The following SPAG16 variants were observed in gnomAD, a reference collection of about 807,000 sequenced individuals.
SPAG16 encodes the protein sperm-associated antigen 16 protein.
In SPAG16, 86 loss-of-function variants were observed where a neutral mutation model predicts 80.4. The ratio of observed to expected loss-of-function variants is 1.07; its 90% CI spans 0.90 to 1.28. The LOEUF (loss-of-function observed/expected upper bound fraction) is 1.28. Among genes scored for constraint, SPAG16 ranks in the 50% most tolerant of loss-of-function variants. The pLI is 0.00. For missense variants in SPAG16, 870 were observed against 765.3 expected (o/e 1.14, Z -1.61); for synonymous variants, 294 against 265.9 (o/e 1.11, Z -1.03).
intron 15 of SPAG16, among the ~76,000 whole-genome samples, chr2:214,253,111 G>A (rs1282875510): frequency 7.2e-6 from 1 of 139,842 alleles, no homozygotes; most frequent in East Asian, 2.1e-4. Flanking sequence ...TTTTGAGAAG[G>A]ATCTGTTCAT....
chr2:214,281,263 G>A (rs1692912301), intron 15 of SPAG16: 1 of 254,122 alleles, frequency 3.9e-6, no homozygotes, highest in Admixed American at 4.0e-5. Context: ...TTCTATACAG[G>A]CATAAGCAAT....
At chr2:213,421,011 G>C (rs2125436403) in intron 9 of SPAG16, among the ~76,000 whole-genome samples, 1 of 152,306 alleles carries the variant, frequency 6.6e-6, no homozygotes, top group Non-Finnish European at 1.5e-5. Flanking sequence ...TCACAGCTGG[G>C]GCTGCATCCT....
At chr2:214,339,766 G>A (rs1157564783) in intron 15 of SPAG16, among the ~76,000 whole-genome samples, 7 of 151,948 alleles carry the variant, frequency 4.6e-5, no homozygotes, top group Admixed American at 3.9e-4. Context: ...CTTTCAATTT[G>A]GGCAGAACTT....
chr2:214,191,574 T>C (rs1428471448), intron 15 of SPAG16, among the ~76,000 whole-genome samples: 1 of 151,084 alleles, frequency 6.6e-6, no homozygotes, highest in Non-Finnish European at 1.5e-5. Context: ...ATTAGCCAGG[T>C]GTGGTAGTGC....
intron 10 of SPAG16, among the ~76,000 whole-genome samples, chr2:213,813,578 G>C (rs2072316631): frequency 6.6e-6 from 1 of 152,140 alleles, no homozygotes; most frequent in Non-Finnish European, 1.5e-5. Flanking sequence ...CCAGGGGAAA[G>C]GTCTGCTGCT....
At chr2:214,053,563 T>A (rs746204369) in intron 13 of SPAG16, among the ~76,000 whole-genome samples, 55 of 152,178 alleles carry the variant, frequency 3.6e-4, no homozygotes, top group Non-Finnish European at 6.8e-4. Flanking sequence ...ACCCCTGGAA[T>A]ACAACCAATT....
chr2:214,375,492 G>C (rs1166211417), intron 15 of SPAG16, among the ~76,000 whole-genome samples: 1 of 152,030 alleles, frequency 6.6e-6, no homozygotes, highest in Admixed American at 6.6e-5. Context: ...CTCTCAACCA[G>C]TATGAGAGTG....
At chr2:213,681,273 A>G (rs984351519) in intron 10 of SPAG16, among the ~76,000 whole-genome samples, 1 of 152,228 alleles carries the variant, frequency 6.6e-6, no homozygotes, top group Non-Finnish European at 1.5e-5. Flanking sequence ...ATGTTATGCC[A>G]GAGTCAGACT....
intron 10 of SPAG16, among the ~76,000 whole-genome samples, chr2:213,582,588 A>G (rs1476524249): frequency 6.6e-6 from 1 of 152,162 alleles, no homozygotes; most frequent in African/African-American, 2.4e-5. Flanking sequence ...ATTCAGTTTA[A>G]GTTATTTTTT....
intron 13 of SPAG16, among the ~76,000 whole-genome samples, chr2:214,036,387 G>T (rs943927240): frequency 1.3e-5 from 2 of 152,192 alleles, no homozygotes. Context: ...TTTCAGTACA[G>T]AATGGTATTA....
intron 13 of SPAG16, among the ~76,000 whole-genome samples, chr2:214,044,596 C>A (rs1356286123): frequency 6.6e-6 from 1 of 152,154 alleles, no homozygotes; most frequent in Admixed American, 6.5e-5. Context: ...ATTCAGAGTA[C>A]CTGCTTTTAA....
chr2:213,531,795 T>G lies in SPAG16; in HGVS notation c.1070+41705T>G, dbSNP rs552417668. 2.0e-5 allele frequency among the ~76,000 whole-genome samples: 3 copies of G among 152,290 alleles called. No homozygotes were observed. The East Asian group carries it at 5.8e-4, about 29-fold the overall frequency. On this transcript the variant is annotated intron_variant, in intron 10 of 15. Coordinates refer to ENST00000331683, the MANE Select transcript of SPAG16 (RefSeq NM_024532.5). ...CTTTTTTACTAATTTTTCTGTAATT[T>G]TATTCCATTTTTTTCCTACACAATC...
At chr2:213,639,612 G>A (rs1475472945) in intron 10 of SPAG16, among the ~76,000 whole-genome samples, 1 of 152,186 alleles carries the variant, frequency 6.6e-6, no homozygotes, top group African/African-American at 2.4e-5. Flanking sequence ...GAAATCTGCT[G>A]TAAATCTGAT....
At chr2:213,701,068 C>T (rs767761632) in intron 10 of SPAG16, among the ~76,000 whole-genome samples, 32 of 152,138 alleles carry the variant, frequency 2.1e-4, no homozygotes, top group Non-Finnish European at 4.3e-4. Flanking sequence ...GGTGAAACCC[C>T]ATCTCTACTA....
At chr2:214,194,814 A>G (rs1488967603) in intron 15 of SPAG16, among the ~76,000 whole-genome samples, 1 of 152,056 alleles carries the variant, frequency 6.6e-6, no homozygotes, top group African/African-American at 2.4e-5. Flanking sequence ...TTCTGAAACC[A>G]TTTGGTAAAG....
At chr2:213,773,634 A>G (rs528485690) in intron 10 of SPAG16, among the ~76,000 whole-genome samples, 126 of 152,096 alleles carry the variant, frequency 8.3e-4, no homozygotes, top group Non-Finnish European at 1.5e-3. Flanking sequence ...GGCTTACTGC[A>G]ACCTCTGCCT....
At chr2:214,035,528 G>A (rs576674499) in intron 13 of SPAG16, among the ~76,000 whole-genome samples, 1 of 152,338 alleles carries the variant, frequency 6.6e-6, no homozygotes, top group South Asian at 2.1e-4. Context: ...GCATGTCAGT[G>A]CTGCCTTGAG....
At chr2:214,394,891 C>A (rs753519655) in intron 15 of SPAG16, among the ~76,000 whole-genome samples, 1 of 152,204 alleles carries the variant, frequency 6.6e-6, no homozygotes, top group Non-Finnish European at 1.5e-5. Flanking sequence ...CAACTCCTGG[C>A]AGCCACAGAT....
intron 13 of SPAG16, among the ~76,000 whole-genome samples, chr2:214,041,978 GTATATATATA>G (rs1158447338): frequency 0.022 from 2,516 of 116,362 alleles, 96 homozygotes; most frequent in African/African-American, 0.077. Flanking sequence ...GTCTGTGTGT[GTATATATATA>G]TATATATATA....
Sources: allele counts gnomAD v4.1 joint callset (sites outside exome capture counted in the v4.1 genomes callset), GRCh38; gene constraint gnomAD v4.1.1; transcripts MANE v1.5; gene names NCBI Gene and HGNC (gene_info 2026-07-23, HGNC 2026-07-21).